Variants in LYPLAL1 observed in about 807,000 individuals in gnomAD.
LYPLAL1 encodes the protein lysophospholipase like 1, also known as lysophospholipase-like protein 1.
Under a neutral mutation model 19.7 loss-of-function variants are expected in LYPLAL1, and 23 were observed. The observed-to-expected ratio is 1.17, with a 90% CI of 0.84 to 1.65. The LOEUF is 1.65. Among genes scored for constraint, LYPLAL1 ranks in the 40% most tolerant of loss-of-function variants. LYPLAL1 has a pLI of 0.00. For synonymous variants in LYPLAL1, 119 were observed against 96.3 expected, an observed-to-expected ratio of 1.24 and a Z score of -1.38; for missense variants, 355 against 279.4, an observed-to-expected ratio of 1.27 and a Z score of -1.93.
chr1:219,364,683 TAAATA>T, the LYPLAL1 span, among the ~76,000 whole-genome samples: 1 of 152,164 alleles, frequency 6.6e-6, no homozygotes, highest in South Asian at 2.1e-4. Flanking sequence ...ATCTGAGATT[TAAATA>T]AAATAAAGAA....
the LYPLAL1 span, among the ~76,000 whole-genome samples, chr1:219,244,838 T>C: frequency 1.3e-5 from 2 of 150,142 alleles, no homozygotes; most frequent in Admixed American, 6.7e-5. Flanking sequence ...TCCAAGCTAC[T>C]TGGGAGGCTG....
the LYPLAL1 span, among the ~76,000 whole-genome samples, chr1:219,340,582 A>G: frequency 6.6e-6 from 1 of 152,014 alleles, no homozygotes; most frequent in Non-Finnish European, 1.5e-5. Flanking sequence ...TATACTTTTG[A>G]CAGTTAGAAT....
intron 2 of LYPLAL1, among the ~76,000 whole-genome samples, chr1:219,188,488 A>G (rs546936261): frequency 6.6e-6 from 1 of 151,872 alleles, no homozygotes; most frequent in Non-Finnish European, 1.5e-5. Flanking sequence ...ATAAGCTCGT[A>G]CTATTTGAAG....
At chr1:219,233,525 T>C in the LYPLAL1 span, among the ~76,000 whole-genome samples, 1 of 152,144 alleles carries the variant, frequency 6.6e-6, no homozygotes, top group Non-Finnish European at 1.5e-5. Context: ...CCCAGAACTT[T>C]AGGAGGCTAA....
chr1:219,295,682 C>T, the LYPLAL1 span, among the ~76,000 whole-genome samples: 1 of 152,162 alleles, frequency 6.6e-6, no homozygotes, highest in Non-Finnish European at 1.5e-5. Flanking sequence ...AGCCTTTCTA[C>T]TAGTTTATTT....
chr1:219,342,343 A>T, the LYPLAL1 span, among the ~76,000 whole-genome samples: 1 of 152,154 alleles, frequency 6.6e-6, no homozygotes, highest in Non-Finnish European at 1.5e-5. Context: ...AGACAAGCTT[A>T]GTGATTATTT....
At chr1:219,276,862 A>G in the LYPLAL1 span, among the ~76,000 whole-genome samples, 3 of 152,208 alleles carry the variant, frequency 2.0e-5, no homozygotes, top group Non-Finnish European at 4.4e-5. Flanking sequence ...GAGCTCGGGT[A>G]TAGAAATTGA....
At chr1:219,254,820 T>C in the LYPLAL1 span, among the ~76,000 whole-genome samples, 1 of 152,044 alleles carries the variant, frequency 6.6e-6, no homozygotes, top group South Asian at 2.1e-4. Flanking sequence ...TTGGCCTCTC[T>C]AGCAAGGTTG....
the LYPLAL1 span, among the ~76,000 whole-genome samples, chr1:219,235,038 A>G: frequency 6.6e-6 from 1 of 152,206 alleles, no homozygotes; most frequent in Admixed American, 6.5e-5. Context: ...CTTACTATGT[A>G]TATCTTGCAT....
At chr1:219,400,531 T>C in the LYPLAL1 span, among the ~76,000 whole-genome samples, 2 of 151,646 alleles carry the variant, frequency 1.3e-5, no homozygotes, top group Admixed American at 6.6e-5. Context: ...AGTCTTGCTG[T>C]GTTGCCCAGG....
At chr1:219,261,932 T>A in the LYPLAL1 span, among the ~76,000 whole-genome samples, 1 of 152,222 alleles carries the variant, frequency 6.6e-6, no homozygotes, top group African/African-American at 2.4e-5. Context: ...ATTATTCCCT[T>A]GAATAAGTTT....
chr1:219,444,150 A>C, the LYPLAL1 span, among the ~76,000 whole-genome samples: 1 of 152,348 alleles, frequency 6.6e-6, no homozygotes, highest in South Asian at 2.1e-4. Context: ...TGTAAGCTTA[A>C]GAAACAGTAG....
At chr1:219,354,345 C>T in the LYPLAL1 span, among the ~76,000 whole-genome samples, 5 of 152,218 alleles carry the variant, frequency 3.3e-5, no homozygotes, top group East Asian at 7.7e-4. Context: ...TACAGGCACT[C>T]GCCACCAAGC....
chr1:219,368,704 T>C, the LYPLAL1 span, among the ~76,000 whole-genome samples: 2 of 152,128 alleles, frequency 1.3e-5, no homozygotes, highest in Non-Finnish European at 1.5e-5. Flanking sequence ...ATTCAAACTG[T>C]AACAATTCTG....
the LYPLAL1 span, among the ~76,000 whole-genome samples, chr1:219,333,091 T>C: frequency 1.3e-5 from 2 of 152,058 alleles, no homozygotes; most frequent in Non-Finnish European, 2.9e-5. Flanking sequence ...GTTGATCCTT[T>C]CTCTACTTCT....
the LYPLAL1 span, chr1:219,411,821 A>G: frequency 6.0e-6 from 1 of 165,946 alleles, no homozygotes; most frequent in Non-Finnish European, 1.3e-5. Flanking sequence ...GACTCCAGAA[A>G]CGCCACCTTA....
the LYPLAL1 span, among the ~76,000 whole-genome samples, chr1:219,336,353 C>G: frequency 6.6e-6 from 1 of 151,762 alleles, no homozygotes; most frequent in South Asian, 2.1e-4. Flanking sequence ...ATAATTTAAT[C>G]TCCCAGAGAT....
chr1:219,349,330 G>A, the LYPLAL1 span, among the ~76,000 whole-genome samples: 1 of 152,204 alleles, frequency 6.6e-6, no homozygotes, highest in South Asian at 2.1e-4. Flanking sequence ...CCTAGAAGTT[G>A]ATAACACAGT....
At chr1:219,234,529 A>G in the LYPLAL1 span, among the ~76,000 whole-genome samples, 1 of 152,146 alleles carries the variant, frequency 6.6e-6, no homozygotes, top group Non-Finnish European at 1.5e-5. Context: ...TTAGTTAGAA[A>G]TGTTAAAATT....
Sources: gnomAD v4.1 joint callset for allele counts (sites outside exome capture counted in the v4.1 genomes callset) on GRCh38, gnomAD v4.1.1 for gene constraint, MANE v1.5 for transcripts, NCBI Gene and HGNC (gene_info 2026-07-23, HGNC 2026-07-21) for gene names.